The following SOX5 variants were observed in gnomAD, a reference collection of about 807,000 sequenced individuals.
SOX5 encodes transcription factor SOX-5.
SOX5 carries 9 observed loss-of-function variants against 92.0 expected under a neutral mutation model. The ratio of observed to expected loss-of-function variants is 0.10; its 90% confidence interval spans 0.06 to 0.17. The LOEUF is 0.17. Ranked by LOEUF, SOX5 falls within the 10% of genes least tolerant of loss-of-function variation. The pLI is 1.00. For synonymous variants in SOX5, 344 were observed against 336.3 expected, an observed-to-expected ratio of 1.02 and a Z score of -0.25; for missense variants, 642 against 944.5, an observed-to-expected ratio of 0.68 and a Z score of 4.20.
intron 2 of SOX5, among the ~76,000 whole-genome samples, chr12:24,305,381 T>G (rs1294283132): frequency 6.6e-6 from 1 of 152,172 alleles, no homozygotes; most frequent in Non-Finnish European, 1.5e-5. Context: ...TTGGACAGCT[T>G]GTCTACAGAG....
intron 3 of SOX5, chr12:23,762,595 A>G: frequency 3.8e-6 from 2 of 529,330 alleles, no homozygotes; most frequent in East Asian, 6.4e-5. Flanking sequence ...AGTTAATGAG[A>G]GCCTGTTAAT....
intron 10 of SOX5, among the ~76,000 whole-genome samples, chr12:23,564,006 A>T (rs1325935791): frequency 6.6e-6 from 1 of 152,218 alleles, no homozygotes; most frequent in East Asian, 1.9e-4. Flanking sequence ...TGTAATAGTT[A>T]GGCTAAATTT....
chr12:23,534,208 T>C lies in SOX5; in HGVS notation c.*11A>G. The C allele has an allele frequency of 3.1e-6, 5 of 1,611,340 alleles. No homozygotes were observed. The highest frequency in any genetic ancestry group is 4.2e-6 in the Non-Finnish European group (5 of 1,178,020). On this transcript the variant is annotated 3_prime_UTR_variant, in exon 15 of 15. Transcript: ENST00000451604. ...TTAAGTCCTAAGGTCACAACAATCT[T>C]TTGACCCTTATCAGTTGGCTTGTCC...
upstream of SOX5, among the ~76,000 whole-genome samples, chr12:23,955,828 A>G (rs1333911179): frequency 6.6e-6 from 1 of 152,204 alleles, no homozygotes; most frequent in Non-Finnish European, 1.5e-5. Context: ...CTTGGCCTTC[A>G]AACTTTCTGC....
At chr12:24,315,333 C>G (rs1213486235) in intron 2 of SOX5, among the ~76,000 whole-genome samples, 2 of 151,972 alleles carry the variant, frequency 1.3e-5, no homozygotes. Flanking sequence ...AACTTTAAAA[C>G]TTTTATACAA....
intron 4 of SOX5, among the ~76,000 whole-genome samples, chr12:24,123,762 A>G (rs1948844350): frequency 6.6e-6 from 1 of 152,226 alleles, no homozygotes; most frequent in Non-Finnish European, 1.5e-5. Context: ...TCCAAAACAG[A>G]GAAACAGTTA....
chr12:23,903,861 G>A (rs772371652), intron 1 of SOX5, among the ~76,000 whole-genome samples: 14 of 152,138 alleles, frequency 9.2e-5, no homozygotes, highest in Admixed American at 2.0e-4. Context: ...ACAATAGAAT[G>A]TTACTTATCC....
chr12:23,828,554 T>A (rs1056049109), intron 3 of SOX5, among the ~76,000 whole-genome samples: 1 of 152,192 alleles, frequency 6.6e-6, no homozygotes, highest in Non-Finnish European at 1.5e-5. Context: ...CTGTGCCATT[T>A]TCAGTATTCT....
intron 2 of SOX5, among the ~76,000 whole-genome samples, chr12:23,861,119 A>G (rs1390610172): frequency 6.6e-6 from 1 of 152,110 alleles, no homozygotes; most frequent in African/African-American, 2.4e-5. Flanking sequence ...CGTGACAAAA[A>G]GATATCATTG....
intron 7 of SOX5, among the ~76,000 whole-genome samples, chr12:23,663,055 T>A (rs1320897353): frequency 6.6e-6 from 1 of 152,116 alleles, no homozygotes; most frequent in Non-Finnish European, 1.5e-5. Context: ...CTACCTCTAT[T>A]CCTTTCCTGA....
chr12:24,308,062 C>T (rs778483777), intron 2 of SOX5, among the ~76,000 whole-genome samples: 23 of 151,742 alleles, frequency 1.5e-4, no homozygotes, highest in Non-Finnish European at 2.8e-4. Context: ...AGCAGCTTCC[C>T]GATAAGATCT....
intron 1 of SOX5, among the ~76,000 whole-genome samples, chr12:24,372,213 C>T (rs1418312257): frequency 6.6e-6 from 1 of 152,104 alleles, no homozygotes; most frequent in Non-Finnish European, 1.5e-5. Context: ...TATACACGTG[C>T]CATGTTGGTT....
intron 1 of SOX5, among the ~76,000 whole-genome samples, chr12:23,902,995 T>C (rs961556010): frequency 6.6e-6 from 1 of 152,182 alleles, no homozygotes; most frequent in Non-Finnish European, 1.5e-5. Context: ...AACTAAGATA[T>C]GACGACCCTT....
intron 6 of SOX5, among the ~76,000 whole-genome samples, chr12:23,729,061 T>C (rs935900561): frequency 1.3e-5 from 2 of 151,926 alleles, no homozygotes; most frequent in Non-Finnish European, 2.9e-5. Context: ...GAAGTTCTCC[T>C]CTTGCTGGAA....
intron 4 of SOX5, among the ~76,000 whole-genome samples, chr12:23,964,169 A>G (rs1302122069): frequency 6.6e-6 from 1 of 152,170 alleles, no homozygotes; most frequent in African/African-American, 2.4e-5. Context: ...ATTAAGATAT[A>G]TTATGGGAGA....
intron 6 of SOX5, among the ~76,000 whole-genome samples, chr12:23,671,653 T>C (rs2084799617): frequency 1.3e-5 from 2 of 152,138 alleles, no homozygotes; most frequent in Non-Finnish European, 2.9e-5. Context: ...TTTATCCTAC[T>C]CAATGCAATG....
intron 6 of SOX5, among the ~76,000 whole-genome samples, chr12:23,717,489 T>A (rs749926825): frequency 6.6e-6 from 1 of 152,178 alleles, no homozygotes; most frequent in Non-Finnish European, 1.5e-5. Context: ...AGCTATTAAA[T>A]AGTGAGCAGA....
intron 4 of SOX5, among the ~76,000 whole-genome samples, chr12:24,112,742 C>G (rs546951524): frequency 6.6e-6 from 1 of 151,384 alleles, no homozygotes; most frequent in Non-Finnish European, 1.5e-5. Flanking sequence ...CACCATGTTG[C>G]CCAGGCTGGT....
chr12:23,984,931 T>C (rs1410137637), intron 4 of SOX5, among the ~76,000 whole-genome samples: 1 of 152,186 alleles, frequency 6.6e-6, no homozygotes, highest in Non-Finnish European at 1.5e-5. Flanking sequence ...GAGGTTACAA[T>C]TTTTTGTGTG....
Sources: gnomAD v4.1 joint callset for allele counts (sites outside exome capture counted in the v4.1 genomes callset) on GRCh38, gnomAD v4.1.1 for gene constraint, MANE v1.5 for transcripts, NCBI Gene and HGNC (gene_info 2026-07-23, HGNC 2026-07-21) for gene names.